TRPM1: variants seen among roughly 807,000 people sequenced by gnomAD.
TRPM1 encodes the protein TRPM1-203 APA Isoform, Intron 10.
TRPM1 carries 113 observed loss-of-function variants against 149.4 expected under a neutral mutation model. That is an observed-to-expected ratio of 0.76 (90% confidence interval 0.65 to 0.88). The LOEUF is 0.88. TRPM1 is among the 40% of genes least tolerant of loss of function. TRPM1 has a pLI of 0.00. For missense variants in TRPM1, 1,976 were observed against 2,038.7 expected (o/e 0.97, Z 0.59); for synonymous variants, 741 against 759.5 (o/e 0.98, Z 0.40).
chr15:31,046,887 G>A lies in TRPM1; in HGVS notation c.1764+224C>T, dbSNP rs566955132. Among the ~76,000 whole-genome samples, 15 of 152,320 alleles carry A rather than the reference G, an allele frequency of 9.8e-5. No homozygotes were observed. In the East Asian group the frequency reaches 2.7e-3, roughly 27 times the overall value. On this transcript the variant is annotated intron_variant, in intron 15 of 27. Transcript: ENST00000256552. Reference sequence around the variant, plus strand: ...CGGAGCCCAGGAGGAAGTCTGCTGTGGATAGAAAAGGAGGGCAAATGCAAT... The same window carrying A: ...CGGAGCCCAGGAGGAAGTCTGCTGTAGATAGAAAAGGAGGGCAAATGCAAT...
At chr15:31,079,813 T>A (rs1051959152) in intron 2 of TRPM1, among the ~76,000 whole-genome samples, 8 of 152,168 alleles carry the variant, frequency 5.3e-5, no homozygotes, top group Admixed American at 2.6e-4. Flanking sequence ...ATACTCATGC[T>A]CCAATACTGG....
At chr15:31,035,966 A>G (rs1421587030) in intron 20 of TRPM1, 2 of 471,284 alleles carry the variant, frequency 4.2e-6, no homozygotes, top group East Asian at 8.5e-5. Context: ...AGTTGCAAAC[A>G]TTATGATAAC....
At chr15:31,053,792 T>C (rs921456634) in intron 11 of TRPM1, among the ~76,000 whole-genome samples, 2 of 152,258 alleles carry the variant, frequency 1.3e-5, no homozygotes, top group Non-Finnish European at 2.9e-5. Context: ...TTTGTACACC[T>C]ACATTCATAG....
At chr15:31,077,361 G>A (rs1042187181) in intron 2 of TRPM1, among the ~76,000 whole-genome samples, 1 of 152,184 alleles carries the variant, frequency 6.6e-6, no homozygotes, top group African/African-American at 2.4e-5. Context: ...AGCAGAAGGA[G>A]GTGGGAGGGA....
rs1423701050 is a variant in TRPM1, at chr15:31,016,995, A to AG, written c.3629+9143_3629+9144insC. Among the ~76,000 whole-genome samples the AG allele has an allele frequency of 6.4e-4, 77 of 120,392 alleles. 1 individual carries two copies. Among genetic ancestry groups the AG allele is most frequent in the African/African-American group, 2.1e-3 (77 of 35,952 alleles). 79.0% of individuals were successfully genotyped at this position (120,392 alleles called of 152,430 possible). On this transcript the variant is annotated intron_variant, in intron 27 of 27. Coordinates refer to ENST00000256552, the MANE Select transcript of TRPM1 (RefSeq NM_001252024.2). The stretch of plus-strand genomic sequence containing the variant: ...CACACACACACACACACACAAAAAA[A>AG]AAACTTGTTTTTTAAATTAAGAAAG...
Position 31,128,299 on chromosome 15 carries a change from C to G in TRPM1, c.54+32607G>C, listed in dbSNP as rs182478863. On this transcript the variant is annotated intron_variant, in intron 1 of 26. Coordinates refer to the TRPM1 transcript ENST00000542188. ...GAGAACGCCATCCCCCTGTCCTGGG[C>G]TGTGCCCACCGGCTGCCGTGGAGCT... Among the ~76,000 whole-genome samples the G allele has an allele frequency of 3.3e-3, 499 of 152,306 alleles. 5 individuals are homozygous for G. Among genetic ancestry groups the G allele is most frequent in the African/African-American group, 0.011 (476 of 41,564 alleles).
Position 31,076,947 on chromosome 15 carries a change from C to A in TRPM1, c.41G>T (p.Arg14Leu). 6.2e-7 allele frequency: 1 copy of A among 1,612,636 alleles called. No homozygotes were observed. Among genetic ancestry groups the A allele is most frequent in the Non-Finnish European group, 8.5e-7 (1 of 1,178,718 alleles). The change falls in exon 3 of 28, where the codon CGG (arginine) becomes CTG (leucine). Residue 14 changes from arginine (R) to leucine (L), a missense_variant. Coordinates refer to ENST00000256552, the MANE Select transcript of TRPM1 (RefSeq NM_001252024.2). Reference protein sequence around the residue: ...KSWIEKTFCKRECIFVIPSMK... With the variant: ...KSWIEKTFCKLECIFVIPSMK... ...GCTAGGAATTACAAAGATACATTCC[C>A]GTTTGCAAAAGGTTTTCTCTATCCA...
At chr15:31,121,358 A>C (rs999707757) in intron 1 of TRPM1, among the ~76,000 whole-genome samples, 3 of 152,172 alleles carry the variant, frequency 2.0e-5, no homozygotes, top group African/African-American at 7.2e-5. Context: ...AAATCAATGA[A>C]ATTAAAAACA....
At position 31,031,086 on chromosome 15, in the gene TRPM1, G is replaced by A. The variant is rs201885707; in HGVS notation, c.3024C>T (p.Ala1008=). 3 of 1,614,178 alleles carry A rather than the reference G, an allele frequency of 1.9e-6. No homozygotes were observed. The East Asian group carries it at 6.7e-5, about 36-fold the overall frequency. Residue 1008 remains alanine (A), a synonymous_variant, in exon 23 of 28, where the codon GCC becomes GCT. Coordinates refer to ENST00000256552, the MANE Select transcript of TRPM1 (RefSeq NM_001252024.2). ...VLMSFGVARQ[A]ILHPEEKPSW... is the part of the protein sequence containing the mutation. ...AGGGCTTCTCCTCTGGATGCAGAATGGCTTGACGGGCTACTCCGAAACTCA... is the reference window on the plus strand; with the variant it reads ...AGGGCTTCTCCTCTGGATGCAGAATAGCTTGACGGGCTACTCCGAAACTCA...
intron 3 of TRPM1, among the ~76,000 whole-genome samples, chr15:31,073,898 G>A (rs2034623561): frequency 6.6e-6 from 1 of 152,118 alleles, no homozygotes; most frequent in African/African-American, 2.4e-5. Context: ...TTTTCCGAGT[G>A]ATTTTTTATA....
intron 27 of TRPM1, among the ~76,000 whole-genome samples, chr15:31,015,272 G>A (rs1208555378): frequency 1.3e-5 from 2 of 151,950 alleles, no homozygotes; most frequent in Non-Finnish European, 2.9e-5. Context: ...AATTAGCTGG[G>A]CACGGTGGCA....
chr15:31,145,924 A>AAAAAAC (rs1308711016), intron 1 of TRPM1, among the ~76,000 whole-genome samples: 1 of 152,030 alleles, frequency 6.6e-6, no homozygotes, highest in African/African-American at 2.4e-5. Context: ...AGATACAAAA[A>AAAAAAC]AAAAACAAAA....
At position 31,001,913 on chromosome 15, in the gene TRPM1, C is replaced by T. The variant is rs768275799; in HGVS notation, c.4787G>A (p.Ser1596Asn). The T allele has an allele frequency of 4.3e-6, 7 of 1,614,016 alleles. No homozygotes were observed. In the African/African-American group the frequency reaches 9.3e-5, roughly 22 times the overall value. Reference protein sequence around the residue: ...QGKLDRSGHASSVSSLVIVSG... With the variant: ...QGKLDRSGHANSVSSLVIVSG... ...CACAATTACTAAGCTGCTTACACTA[C>T]TGGCATGTCCAGATCTGTCTAACTT... Residue 1596 changes from serine (S) to asparagine (N), a missense_variant, in exon 28 of 28, where the codon AGT becomes AAT. This residue lies in a region of TRPM1 where 572 missense variants were observed against 578.9 expected (regional missense o/e 0.99). Coordinates refer to ENST00000256552, the MANE Select transcript of TRPM1 (RefSeq NM_001252024.2).
At chr15:31,107,623 T>C (rs2035626440) in intron 1 of TRPM1, among the ~76,000 whole-genome samples, 1 of 152,070 alleles carries the variant, frequency 6.6e-6, no homozygotes, top group Non-Finnish European at 1.5e-5. Context: ...CTTGTCTTTT[T>C]CTATTTTCTA....
Position 31,047,150 on chromosome 15 carries a change from G to C in TRPM1, c.1725C>G (p.Asn575Lys), listed in dbSNP as rs766677869. 1 of 1,614,254 alleles carries C rather than the reference G, an allele frequency of 6.2e-7. No homozygotes were observed. Among genetic ancestry groups the C allele is most frequent in the South Asian group, 1.1e-5 (1 of 91,090 alleles). ...GAYRCNYTRK[N>K]FRTLYNNLFG... ...ACAAGTTGTTGTAAAGGGTCCGAAAGTTTTTCCGAGTGTAGTTGCAGCGGT... is the reference window on the plus strand; with the variant it reads ...ACAAGTTGTTGTAAAGGGTCCGAAACTTTTTCCGAGTGTAGTTGCAGCGGT... Residue 575 changes from asparagine (N) to lysine (K), a missense_variant, in exon 15 of 28, where the codon AAC becomes AAG. Asn to Lys is a moderately conservative substitution (Grantham distance 94). This residue lies in a region of TRPM1 where 1,332 missense variants were observed against 1,347.1 expected (regional missense o/e 0.99). Coordinates refer to ENST00000256552, the MANE Select transcript of TRPM1 (RefSeq NM_001252024.2).
intron 18 of TRPM1, among the ~76,000 whole-genome samples, chr15:31,039,808 G>A (rs2033551824): frequency 6.6e-6 from 1 of 152,108 alleles, no homozygotes; most frequent in Non-Finnish European, 1.5e-5. Context: ...GAGTTATGGG[G>A]GGCTCCATTA....
At chr15:31,041,775 A>C (rs1303936209) in intron 17 of TRPM1, among the ~76,000 whole-genome samples, 176 bp downstream of exon 17, 1 of 152,250 alleles carries the variant, frequency 6.6e-6, no homozygotes, top group African/African-American at 2.4e-5. Flanking sequence ...CGACAGTCCA[A>C]AAACACCTCT....
intron 27 of TRPM1, among the ~76,000 whole-genome samples, chr15:31,020,997 A>G (rs531482408): frequency 6.6e-6 from 1 of 151,942 alleles, no homozygotes; most frequent in South Asian, 2.1e-4. Context: ...TTTTTTCTCT[A>G]TCCTCCTGAA....
chr15:31,059,088 A>C (rs2034159353), intron 11 of TRPM1, among the ~76,000 whole-genome samples: 1 of 152,206 alleles, frequency 6.6e-6, no homozygotes, highest in South Asian at 2.1e-4. Flanking sequence ...ATTTCAAAAA[A>C]AGAAAAAATA....
Sources: gnomAD v4.1 joint callset for allele counts (sites outside exome capture counted in the v4.1 genomes callset) on GRCh38, gnomAD v4.1.1 for gene constraint, gnomAD v4.1.1 regional missense constraint, MANE v1.5 for transcripts, NCBI Gene and HGNC (gene_info 2026-07-23, HGNC 2026-07-21) for gene names.